The following CFAP44 variants were observed in gnomAD, a reference collection of about 807,000 sequenced individuals.
CFAP44 encodes the protein cilia- and flagella-associated protein 44.
In CFAP44, 134 loss-of-function variants were observed where a neutral mutation model predicts 216.2. That is an observed-to-expected ratio of 0.62 (90% CI 0.54 to 0.72). CFAP44 has a LOEUF of 0.72. Ranked by LOEUF, CFAP44 falls within the 30% of genes least tolerant of loss-of-function variation. The pLI, the probability that CFAP44 is intolerant of heterozygous loss-of-function variation, is 0.00. For synonymous variants in CFAP44, 700 were observed against 727.6 expected (o/e 0.96, Z 0.61); for missense variants, 2,035 against 2,182.1 (o/e 0.93, Z 1.34).
At chr3:113,414,318 G>A (rs1460410115) in intron 6 of CFAP44, among the ~76,000 whole-genome samples, 1 of 152,154 alleles carries the variant, frequency 6.6e-6, no homozygotes, top group Non-Finnish European at 1.5e-5. Flanking sequence ...GTGACAACTT[G>A]ACTTCCTCTC....
At chr3:113,380,457 G>A (rs192620528) in intron 16 of CFAP44, among the ~76,000 whole-genome samples, 7 of 151,450 alleles carry the variant, frequency 4.6e-5, no homozygotes, top group Non-Finnish European at 5.9e-5. Flanking sequence ...TTGAGACAGG[G>A]TCTCACTCTG....
chr3:113,352,614 T>C (rs1950455769), intron 22 of CFAP44, among the ~76,000 whole-genome samples: 1 of 152,134 alleles, frequency 6.6e-6, no homozygotes, highest in Non-Finnish European at 1.5e-5. Flanking sequence ...ATTTACAATA[T>C]GTAGAATAAA....
At position 113,399,883 on chromosome 3, in the gene CFAP44, GTTCAT is replaced by G. The variant is rs779243420; in HGVS notation, c.1569+18_1569+22del. On this transcript the variant is annotated intron_variant, in intron 13 of 34. Coordinates refer to ENST00000393845, the MANE Select transcript of CFAP44 (RefSeq NM_001164496.2). ...CCATATTTACCAATAGATTCTGGTA[GTTCAT>G]TATAACAACAAACTTACCATTCGGG... 2.0e-6 allele frequency: 3 copies of G among 1,508,588 alleles called. No individual in the cohort carries two copies. The African/African-American group carries it at 4.2e-5, about 21-fold the overall frequency. The allele number at this position is 1,508,588 out of a possible 1,614,324, so 93.5% of individuals were successfully genotyped here. A position where few individuals can be genotyped will look rare whatever the true frequency, so the allele number is the denominator to read the frequency against.
rs984834726 is a variant in CFAP44, at chr3:113,287,008, T to C, written c.*4549A>G. On this transcript the variant is annotated 3_prime_UTR_variant, in exon 35 of 35. Coordinates refer to ENST00000393845, the MANE Select transcript of CFAP44 (RefSeq NM_001164496.2). ...GCACTTGTAAATAAATGTATATGTT[T>C]TATAATTCTGGAGAGACATAAGGAG... 5 of 945,776 alleles carry C rather than the reference T, an allele frequency of 5.3e-6. No individual in the cohort carries two copies. The African/African-American group carries it at 8.2e-5, about 16-fold the overall frequency. 58.6% of individuals were successfully genotyped at this position (945,776 alleles called of 1,614,324 possible). A position where few individuals can be genotyped will look rare whatever the true frequency, so the allele number is the denominator to read the frequency against.
chr3:113,324,793 G>A (rs1302878259), intron 28 of CFAP44, among the ~76,000 whole-genome samples: 1 of 152,264 alleles, frequency 6.6e-6, no homozygotes, highest in East Asian at 1.9e-4. Flanking sequence ...ATTTGCAGAC[G>A]AAATTATTAG....
chr3:113,347,365 G>A lies in CFAP44; in HGVS notation c.3066-2653C>T, dbSNP rs114177282. On this transcript the variant is annotated intron_variant, in intron 22 of 34. Transcript: ENST00000393845. Reference sequence around the variant, plus strand: ...CCATGAGTGGAACTCTCAAAGTCACGTCGCCCAAGCAAGGCTCACCTGTCT... The same window carrying A: ...CCATGAGTGGAACTCTCAAAGTCACATCGCCCAAGCAAGGCTCACCTGTCT... 4.6e-3 allele frequency among the ~76,000 whole-genome samples: 702 copies of A among 152,166 alleles called. 6 individuals carry two copies. Among genetic ancestry groups the A allele is most frequent in the African/African-American group, 0.016 (677 of 41,520 alleles).
intron 4 of CFAP44, among the ~76,000 whole-genome samples, chr3:113,424,940 T>G (rs1447667429): frequency 6.6e-6 from 1 of 152,110 alleles, no homozygotes; most frequent in African/African-American, 2.4e-5. Context: ...TATTCCCAAG[T>G]CCCTCTCCAC....
At chr3:113,429,123 A>C (rs1935037258) in intron 2 of CFAP44, 1 of 152,172 alleles carries the variant, frequency 6.6e-6, no homozygotes, top group African/African-American at 2.4e-5. Flanking sequence ...AATTTTAAAA[A>C]GAGTTCAGCA....
At chr3:113,294,401 T>C in intron 34 of CFAP44, 1 of 373,236 alleles carries the variant, frequency 2.7e-6, no homozygotes, top group Non-Finnish European at 4.9e-6. Context: ...ATGGTGTCGT[T>C]ATTCATACCT....
intron 15 of CFAP44, among the ~76,000 whole-genome samples, chr3:113,390,920 A>T (rs1357986386): frequency 6.6e-6 from 1 of 152,204 alleles, no homozygotes; most frequent in Non-Finnish European, 1.5e-5. Context: ...CATAGTATCT[A>T]AAGCAATCTA....
At chr3:113,401,476 C>G in intron 10 of CFAP44, 108 bp downstream of exon 10, 1 of 1,360,902 alleles carries the variant, frequency 7.3e-7, no homozygotes, top group African/African-American at 1.5e-5. Flanking sequence ...AATAAGCAAT[C>G]TCATAACACT....
chr3:113,348,077 T>C (rs1456502036), intron 22 of CFAP44, among the ~76,000 whole-genome samples: 1 of 152,222 alleles, frequency 6.6e-6, no homozygotes. Context: ...AGCACAACTA[T>C]TCCAATCAGC....
chr3:113,396,652 TTGG>T lies in CFAP44; in HGVS notation c.1642_1644del (p.Pro548del). 3.7e-6 allele frequency: 6 copies of T among 1,614,096 alleles called. No homozygotes were observed. The highest frequency in any genetic ancestry group is 5.1e-6 in the Non-Finnish European group (6 of 1,179,992). On this transcript the variant is annotated inframe_deletion, in exon 14 of 35. Coordinates refer to ENST00000393845, the MANE Select transcript of CFAP44 (RefSeq NM_001164496.2). ...CGTCCCGCAAAAATCGTGAGCCCTTTTGGATCATAAAGTTCAAGAATTCGAACA... is the reference window on the plus strand; with the variant it reads ...CGTCCCGCAAAAATCGTGAGCCCTTTATCATAAAGTTCAAGAATTCGAACA...
intron 25 of CFAP44, 27 bp from the exon 26 acceptor site, chr3:113,330,695 A>AGAGATTT: frequency 6.6e-7 from 1 of 1,515,308 alleles, no homozygotes; most frequent in South Asian, 1.3e-5. Context: ...GAAGGAAACA[A>AGAGATTT]CAGTACAACC....
At chr3:113,367,934 G>C (rs969609881) in intron 18 of CFAP44, among the ~76,000 whole-genome samples, 2 of 152,128 alleles carry the variant, frequency 1.3e-5, no homozygotes, top group Non-Finnish European at 2.9e-5. Flanking sequence ...CGAGAACTTC[G>C]TGACGCATGC....
intron 28 of CFAP44, among the ~76,000 whole-genome samples, chr3:113,322,471 A>G (rs1950153984): frequency 6.6e-6 from 1 of 152,246 alleles, no homozygotes; most frequent in Admixed American, 6.5e-5. Flanking sequence ...CAAGCAGGCA[A>G]CAAACATGAA....
intron 15 of CFAP44, among the ~76,000 whole-genome samples, chr3:113,381,277 A>C (rs976500129): frequency 4.6e-5 from 7 of 152,190 alleles, no homozygotes; most frequent in African/African-American, 1.7e-4. Context: ...GTGATTAAAG[A>C]TTAATAATTA....
intron 10 of CFAP44, 107 bp downstream of exon 10, chr3:113,401,477 T>G (rs1934140251): frequency 7.3e-7 from 1 of 1,366,920 alleles, no homozygotes; most frequent in African/African-American, 1.5e-5. Flanking sequence ...ATAAGCAATC[T>G]CATAACACTT....
chr3:113,292,520 T>C (rs1949840379), intron 34 of CFAP44, among the ~76,000 whole-genome samples: 1 of 152,240 alleles, frequency 6.6e-6, no homozygotes, highest in South Asian at 2.1e-4. Context: ...AAAGACATAA[T>C]ACTTGCGTGG....
Sources: allele counts gnomAD v4.1 joint callset (sites outside exome capture counted in the v4.1 genomes callset), GRCh38; gene constraint gnomAD v4.1.1; transcripts MANE v1.5; gene names NCBI Gene and HGNC (gene_info 2026-07-23, HGNC 2026-07-21).